The following TMEM178B variants were observed in gnomAD, a reference collection of about 807,000 sequenced individuals.
TMEM178B encodes transmembrane protein 178B.
In TMEM178B, 5 loss-of-function variants were observed where a neutral mutation model predicts 31.0. The observed-to-expected ratio is 0.16, with a 90% CI of 0.08 to 0.34. TMEM178B has a LOEUF of 0.34. Among genes scored for constraint, TMEM178B ranks in the 10% least tolerant of loss-of-function variants. TMEM178B has a pLI of 1.00. For synonymous variants in TMEM178B, 164 were observed against 164.0 expected (o/e 1.00, Z 0.00); for missense variants, 275 against 400.3 (o/e 0.69, Z 2.67).
At chr7:141,172,350 A>G (rs986177958) in intron 1 of TMEM178B, among the ~76,000 whole-genome samples, 1 of 152,194 alleles carries the variant, frequency 6.6e-6, no homozygotes, top group African/African-American at 2.4e-5. Flanking sequence ...ACCAGACTCC[A>G]TGTCTCTGCC....
downstream of TMEM178B, among the ~76,000 whole-genome samples, chr7:141,483,445 A>T (rs183075914): frequency 7.2e-4 from 110 of 152,210 alleles, no homozygotes; most frequent in Admixed American, 6.0e-3. Context: ...CCTTCATAAG[A>T]GGCTGGGGAC....
At chr7:141,205,797 T>A (rs1323471325) in intron 1 of TMEM178B, among the ~76,000 whole-genome samples, 1 of 152,202 alleles carries the variant, frequency 6.6e-6, no homozygotes. Context: ...TAGGAAACCC[T>A]GGATTGCTGA....
chr7:141,104,913 G>C (rs576670129), intron 1 of TMEM178B, among the ~76,000 whole-genome samples: 2 of 152,298 alleles, frequency 1.3e-5, no homozygotes, highest in South Asian at 4.2e-4. Flanking sequence ...GTCTCTGGGG[G>C]TAGGGGTTCA....
intron 2 of TMEM178B, among the ~76,000 whole-genome samples, chr7:141,412,377 A>G (rs1212261097): frequency 6.6e-6 from 1 of 152,184 alleles, no homozygotes; most frequent in Non-Finnish European, 1.5e-5. Context: ...CCTCATCCAG[A>G]TATAAATTGT....
chr7:141,238,895 C>T (rs778089514), intron 2 of TMEM178B, among the ~76,000 whole-genome samples: 1 of 152,208 alleles, frequency 6.6e-6, no homozygotes, highest in Non-Finnish European at 1.5e-5. Flanking sequence ...TCTTTGGACT[C>T]GTTAGCAAAG....
At chr7:141,160,989 C>G (rs1796160532) in intron 1 of TMEM178B, among the ~76,000 whole-genome samples, 1 of 152,086 alleles carries the variant, frequency 6.6e-6, no homozygotes, top group African/African-American at 2.4e-5. Context: ...TCCTGAGTAG[C>G]TGGGATTACA....
chr7:141,430,956 A>G (rs1050381779), intron 2 of TMEM178B, among the ~76,000 whole-genome samples: 1 of 152,070 alleles, frequency 6.6e-6, no homozygotes, highest in African/African-American at 2.4e-5. Context: ...GCGTGCTCCT[A>G]TCATGCAGAA....
intron 1 of TMEM178B, among the ~76,000 whole-genome samples, chr7:141,157,551 G>T (rs1241884542): frequency 6.6e-6 from 1 of 152,090 alleles, no homozygotes; most frequent in African/African-American, 2.4e-5. Flanking sequence ...GGAGAGAGGA[G>T]GTCTGGGTCC....
chr7:141,270,769 C>T (rs1027469836), intron 2 of TMEM178B, among the ~76,000 whole-genome samples: 9 of 152,216 alleles, frequency 5.9e-5, no homozygotes, highest in African/African-American at 9.7e-5. Flanking sequence ...TCCTTAGTAA[C>T]GATGTCGTTA....
At chr7:141,334,345 C>T (rs1799347890) in intron 2 of TMEM178B, among the ~76,000 whole-genome samples, 1 of 152,220 alleles carries the variant, frequency 6.6e-6, no homozygotes, top group Non-Finnish European at 1.5e-5. Flanking sequence ...ATAATAACAT[C>T]TCCATGCAGG....
rs117518754 is a variant in TMEM178B, at chr7:141,170,323, T to C, written c.383-42268T>C. 7.0e-3 allele frequency among the ~76,000 whole-genome samples: 1,060 copies of C among 152,332 alleles called. 8 individuals are homozygous for C. Among genetic ancestry groups the C allele is most frequent in the Non-Finnish European group, 0.011 (756 of 68,030 alleles). Reference sequence around the variant, plus strand: ...AGTCCCTTCCATTTATAATGAGTAATTTTTGGAATTCTTACAGGACCCCCA... The same window carrying C: ...AGTCCCTTCCATTTATAATGAGTAACTTTTGGAATTCTTACAGGACCCCCA... On this transcript the variant is annotated intron_variant, in intron 1 of 3. Coordinates refer to ENST00000565468, the MANE Select transcript of TMEM178B (RefSeq NM_001195278.2).
intron 1 of TMEM178B, among the ~76,000 whole-genome samples, chr7:141,120,237 C>A (rs1464949858): frequency 6.6e-6 from 1 of 152,134 alleles, no homozygotes; most frequent in East Asian, 1.9e-4. Context: ...TTCTTTTTAT[C>A]TGCAGAAGGA....
At chr7:141,367,116 G>C (rs1800023057) in intron 2 of TMEM178B, among the ~76,000 whole-genome samples, 1 of 151,444 alleles carries the variant, frequency 6.6e-6, no homozygotes, top group Non-Finnish European at 1.5e-5. Flanking sequence ...AGGGGTGGGT[G>C]GCCAGGGCCT....
chr7:141,229,556 T>C (rs922689559), intron 2 of TMEM178B, among the ~76,000 whole-genome samples: 1 of 152,162 alleles, frequency 6.6e-6, no homozygotes, highest in Admixed American at 6.5e-5. Context: ...TGAAACATAA[T>C]TATTATAGAA....
intron 1 of TMEM178B, among the ~76,000 whole-genome samples, chr7:141,131,743 A>G (rs2129177831): frequency 6.6e-6 from 1 of 152,226 alleles, no homozygotes. Context: ...GGCTATTTTG[A>G]ATACATTTGC....
chr7:141,242,898 C>T (rs1797651181), intron 2 of TMEM178B, among the ~76,000 whole-genome samples: 1 of 152,052 alleles, frequency 6.6e-6, no homozygotes, highest in South Asian at 2.1e-4. Context: ...GTTGCATTCA[C>T]TCCTGTCTCC....
chr7:141,487,889 G>T, the TMEM178B span, among the ~76,000 whole-genome samples: 1 of 151,708 alleles, frequency 6.6e-6, no homozygotes, highest in African/African-American at 2.4e-5. Flanking sequence ...TTCTTGTTCT[G>T]CGTGCTCCTT....
intron 2 of TMEM178B, among the ~76,000 whole-genome samples, chr7:141,394,522 T>C (rs1172539367): frequency 6.6e-6 from 1 of 152,236 alleles, no homozygotes. Context: ...CAATAATATC[T>C]AACTTATTTT....
At chr7:141,156,786 G>A (rs1796077920) in intron 1 of TMEM178B, among the ~76,000 whole-genome samples, 1 of 152,182 alleles carries the variant, frequency 6.6e-6, no homozygotes, top group Non-Finnish European at 1.5e-5. Flanking sequence ...GAGATAGGGT[G>A]GGATGGTGAA....
Sources: allele counts gnomAD v4.1 joint callset (sites outside exome capture counted in the v4.1 genomes callset), GRCh38; gene constraint gnomAD v4.1.1; transcripts MANE v1.5; gene names NCBI Gene and HGNC (gene_info 2026-07-23, HGNC 2026-07-21).